DCTN4: variants seen among roughly 807,000 people sequenced by gnomAD.
DCTN4 encodes the protein dynactin subunit 4.
Under a neutral mutation model 62.7 loss-of-function variants are expected in DCTN4, and 23 were observed. That is an observed-to-expected ratio of 0.37 (90% CI 0.26 to 0.52). DCTN4 has a LOEUF of 0.52. Among genes scored for constraint, DCTN4 ranks in the 20% least tolerant of loss-of-function variants. The pLI is 0.92. For synonymous variants in DCTN4, 199 were observed against 202.1 expected, an observed-to-expected ratio of 0.98 and a Z score of 0.13; for missense variants, 514 against 580.4, an observed-to-expected ratio of 0.89 and a Z score of 1.18.
At position 150,710,240 on chromosome 5, in the gene DCTN4, T is replaced by G. The variant is rs532702860; in HGVS notation, c.*909A>C. 6.6e-6 allele frequency: 1 copy of G among 152,366 alleles called. No homozygotes were observed. The highest frequency in any genetic ancestry group is 2.1e-4 in the South Asian group (1 of 4,836). 9.4% of individuals were successfully genotyped at this position (152,366 alleles called of 1,614,324 possible). On this transcript the variant is annotated 3_prime_UTR_variant, in exon 13 of 13. Transcript: ENST00000447998. ...GTTTTCTGCATTCCAGAAATGAACC[T>G]GTCCACTCAGGTTTTCTTTGGGTTC... is the stretch of plus-strand genomic sequence containing the variant.
At chr5:150,723,851 C>T (rs1760040138) in intron 8 of DCTN4, among the ~76,000 whole-genome samples, 1 of 152,130 alleles carries the variant, frequency 6.6e-6, no homozygotes, top group Admixed American at 6.5e-5. Flanking sequence ...TATTCTCTTG[C>T]TTTTTTCATT....
intron 8 of DCTN4, among the ~76,000 whole-genome samples, chr5:150,728,086 A>C (rs995594338): frequency 1.3e-5 from 2 of 152,206 alleles, no homozygotes; most frequent in African/African-American, 4.8e-5. Context: ...CTGGTAATTC[A>C]TAACTTTTAC....
intron 9 of DCTN4, among the ~76,000 whole-genome samples, chr5:150,720,588 C>T (rs1246825050): frequency 2.6e-5 from 4 of 151,740 alleles, no homozygotes; most frequent in African/African-American, 9.7e-5. Flanking sequence ...AAGTGACATT[C>T]CCACCTCAGC....
intron 6 of DCTN4, 47 bp from the exon 7 acceptor site, chr5:150,731,203 C>A (rs1210842578): frequency 6.2e-6 from 8 of 1,298,926 alleles, no homozygotes; most frequent in Admixed American, 1.7e-5. Flanking sequence ...AGAGTAATTT[C>A]TCACGGATCC....
At chr5:150,715,749 A>G in intron 11 of DCTN4, 87 bp from the exon 12 acceptor site, 1 of 1,036,326 alleles carries the variant, frequency 9.6e-7, no homozygotes, top group South Asian at 1.3e-5. Flanking sequence ...GACAAATGGA[A>G]GCACACAGCA....
At chr5:150,725,269 T>G (rs1209196251) in intron 8 of DCTN4, among the ~76,000 whole-genome samples, 3 of 151,860 alleles carry the variant, frequency 2.0e-5, no homozygotes, top group African/African-American at 7.2e-5. Context: ...TTTGTATTTG[T>G]GGAGGTGCAA....
At chr5:150,752,598 T>C (rs76660449) in intron 3 of DCTN4, among the ~76,000 whole-genome samples, 3,335 of 152,296 alleles carry the variant, frequency 0.022, 60 homozygotes, top group Non-Finnish European at 0.032. Flanking sequence ...TAGCCAACAC[T>C]TGATACAACC....
intron 1 of DCTN4, chr5:150,758,382 G>GA (rs1273615371): frequency 2.0e-6 from 2 of 986,890 alleles, no homozygotes; most frequent in African/African-American, 3.5e-5. Flanking sequence ...GCCTTGGCCT[G>GA]AGTCAGGAAC....
chr5:150,751,712 T>A (rs1183572490), intron 3 of DCTN4, among the ~76,000 whole-genome samples: 6 of 152,162 alleles, frequency 3.9e-5, no homozygotes, highest in African/African-American at 1.4e-4. Context: ...CCAATGAGCA[T>A]TTTTAAGGAA....
chr5:150,743,581 C>T (rs976856764), intron 3 of DCTN4, among the ~76,000 whole-genome samples: 2 of 152,078 alleles, frequency 1.3e-5, no homozygotes, highest in East Asian at 1.9e-4. Context: ...CTCACACGGC[C>T]GGGTACTCCT....
At chr5:150,731,792 A>T in intron 5 of DCTN4, 1 of 1,135,020 alleles carries the variant, frequency 8.8e-7, no homozygotes, top group Non-Finnish European at 1.3e-6. Flanking sequence ...AACTATGTGG[A>T]GTGTCTAAGA....
chr5:150,721,089 A>G (rs1161823944), intron 9 of DCTN4, among the ~76,000 whole-genome samples: 1 of 152,210 alleles, frequency 6.6e-6, no homozygotes, highest in Non-Finnish European at 1.5e-5. Context: ...CATTATTCCC[A>G]TTTCAGAGAC....
intron 4 of DCTN4, chr5:150,736,234 C>T (rs902871313): frequency 6.6e-6 from 1 of 152,166 alleles, no homozygotes; most frequent in African/African-American, 2.4e-5. Context: ...GAGATCTAGA[C>T]ATCCAAATAC....
chr5:150,726,881 G>A (rs868463295), intron 8 of DCTN4, among the ~76,000 whole-genome samples: 4 of 152,086 alleles, frequency 2.6e-5, no homozygotes, highest in African/African-American at 9.7e-5. Context: ...GCTAAGGTAC[G>A]GTATGTCAGG....
At chr5:150,728,732 G>A (rs1040734699) in intron 8 of DCTN4, among the ~76,000 whole-genome samples, 5 of 151,876 alleles carry the variant, frequency 3.3e-5, no homozygotes, top group Non-Finnish European at 7.4e-5. Context: ...TGTGCTTCTT[G>A]TAATAAGCAT....
At position 150,711,058 on chromosome 5, in the gene DCTN4, TA is replaced by T; in HGVS notation, c.*90del. ...TCCGTAGTGCATGGGTACATCGTTA[TA>T]AACAAGGCCTAATGAAGCAGCAGCT... On this transcript the variant is annotated 3_prime_UTR_variant, in exon 13 of 13. Coordinates refer to ENST00000447998, the MANE Select transcript of DCTN4 (RefSeq NM_016221.4). 8.0e-7 allele frequency: 1 copy of T among 1,252,170 alleles called. No individual in the cohort carries two copies. Among genetic ancestry groups the T allele is most frequent in the Non-Finnish European group, 1.1e-6 (1 of 873,704 alleles). The allele number at this position is 1,252,170 out of a possible 1,614,324, so 77.6% of individuals were successfully genotyped here. A position where few individuals can be genotyped will look rare whatever the true frequency, so the allele number is the denominator to read the frequency against.
rs1760462594 is a variant in DCTN4 at position 150,733,479 on chromosome 5, T to A, written c.430-4A>T. On this transcript the variant is annotated splice_polypyrimidine_tract_variant and splice_region_variant and intron_variant, in intron 4 of 12. Transcript: ENST00000447998. The stretch of plus-strand genomic sequence containing the variant: ...AATATTCAATCAATTTGTTCATCTG[T>A]AAGAAAATCACAGACTCAGTACACA... The A allele has an allele frequency of 6.2e-7, 1 of 1,610,774 alleles. No individual in the cohort carries two copies. The highest frequency in any genetic ancestry group is 8.5e-7 in the Non-Finnish European group (1 of 1,177,520).
At chr5:150,723,666 T>C (rs1219727633) in intron 8 of DCTN4, among the ~76,000 whole-genome samples, 1 of 152,202 alleles carries the variant, frequency 6.6e-6, no homozygotes, top group Non-Finnish European at 1.5e-5. Context: ...CTTAAATACA[T>C]ACTACATATA....
intron 3 of DCTN4, among the ~76,000 whole-genome samples, chr5:150,747,075 A>C (rs970590445): frequency 6.6e-5 from 10 of 152,196 alleles, no homozygotes; most frequent in African/African-American, 2.4e-4. Context: ...TAAGCTGATA[A>C]GCAACTTCAG....
Sources: allele counts gnomAD v4.1 joint callset (sites outside exome capture counted in the v4.1 genomes callset), GRCh38; gene constraint gnomAD v4.1.1; transcripts MANE v1.5; gene names NCBI Gene and HGNC (gene_info 2026-07-23, HGNC 2026-07-21).